The following FGF14 variants were observed in gnomAD, a reference collection of about 807,000 sequenced individuals.
The protein encoded by FGF14 is fibroblast growth factor homologous factor 4.
Under a neutral mutation model 25.5 loss-of-function variants are expected in FGF14, and 5 were observed. That is an observed-to-expected ratio of 0.20 (90% CI 0.10 to 0.41). FGF14 has a LOEUF of 0.41. Among genes scored for constraint, FGF14 ranks in the 10% least tolerant of loss-of-function variants. FGF14 has a pLI of 1.00. For missense variants in FGF14, 222 were observed against 320.1 expected (o/e 0.69, Z 2.34); for synonymous variants, 138 against 118.3 (o/e 1.17, Z -1.08).
intron 1 of FGF14, among the ~76,000 whole-genome samples, chr13:102,019,949 T>C (rs79842981): frequency 8.7e-4 from 132 of 152,286 alleles, no homozygotes; most frequent in African/African-American, 3.2e-3. Flanking sequence ...AAAAGTAATT[T>C]TATTTTTGTC....
intron 3 of FGF14, among the ~76,000 whole-genome samples, chr13:101,817,935 G>A (rs1260577605): frequency 1.3e-5 from 2 of 152,202 alleles, no homozygotes; most frequent in Non-Finnish European, 2.9e-5. Context: ...ACGTACGATT[G>A]TGTACAACAG....
intron 3 of FGF14, among the ~76,000 whole-genome samples, chr13:101,809,716 A>C (rs1244972230): frequency 6.6e-6 from 1 of 152,134 alleles, no homozygotes; most frequent in African/African-American, 2.4e-5. Flanking sequence ...AGGACTCCTA[A>C]ATTTTGCAGT....
intron 3 of FGF14, among the ~76,000 whole-genome samples, chr13:101,767,416 G>A (rs2038479270): frequency 6.6e-6 from 1 of 152,028 alleles, no homozygotes; most frequent in African/African-American, 2.4e-5. Context: ...GAAAGCTACC[G>A]ATATAGAGCA....
intron 1 of FGF14, among the ~76,000 whole-genome samples, chr13:102,051,496 C>A (rs1332045915): frequency 3.9e-5 from 6 of 152,148 alleles, no homozygotes; most frequent in African/African-American, 1.4e-4. Context: ...AGACCCAGTG[C>A]CCCAAAGGAC....
At chr13:101,785,793 G>A (rs2039788552) in intron 3 of FGF14, among the ~76,000 whole-genome samples, 1 of 152,116 alleles carries the variant, frequency 6.6e-6, no homozygotes. Flanking sequence ...CAAGTGTAAG[G>A]TGTATTGAAG....
intron 1 of FGF14, among the ~76,000 whole-genome samples, chr13:102,369,194 G>A (rs1052833407): frequency 5.9e-5 from 9 of 152,160 alleles, no homozygotes; most frequent in African/African-American, 1.9e-4. Context: ...CCACATGGAA[G>A]CTCCTGACAC....
Position 101,713,236 on chromosome 13 carries a change from A to G in FGF14, c.*9595T>C, listed in dbSNP as rs973058149. On this transcript the variant is annotated 3_prime_UTR_variant, in exon 5 of 5. Transcript: ENST00000376143. ...ACACATGAACCTGAATCCTTTCATG[A>G]TATCTGTGATGACCACAACTCCTTT... The G allele has an allele frequency of 1.3e-5, 2 of 152,204 alleles. No homozygotes were observed. The highest frequency in any genetic ancestry group is 4.8e-5 in the African/African-American group (2 of 41,458). The allele number at this position is 152,204 out of a possible 1,614,324, so 9.4% of individuals were successfully genotyped here.
intron 1 of FGF14, among the ~76,000 whole-genome samples, chr13:102,102,269 C>G (rs181077495): frequency 6.6e-6 from 1 of 152,064 alleles, no homozygotes; most frequent in African/African-American, 2.4e-5. Flanking sequence ...AGTTTCTTGT[C>G]GAAAGTCACC....
In FGF14 at chr13:101,788,909, TAGAGAGAGAGAGAG is replaced by T. The variant is rs781347440; in HGVS notation, c.409-62113_409-62100del. On this transcript the variant is annotated intron_variant, in intron 3 of 4. Coordinates refer to ENST00000376143, the MANE Select transcript of FGF14 (RefSeq NM_004115.4). Reference sequence around the variant, plus strand: ...ATATATATATATATATATATATATATAGAGAGAGAGAGAGAGAGAGAGAGAGAGAGAGAGAGAGA... The same window carrying T: ...ATATATATATATATATATATATATATAGAGAGAGAGAGAGAGAGAGAGAGA... Among the ~76,000 whole-genome samples the T allele has an allele frequency of 8.3e-4, 26 of 31,216 alleles. No homozygotes were observed. In the East Asian group the frequency reaches 0.013, roughly 15 times the overall value. The allele number at this position is 31,216 out of a possible 152,430, so 20.5% of individuals were successfully genotyped here. A position where few individuals can be genotyped will look rare whatever the true frequency, so the allele number is the denominator to read the frequency against.
chr13:102,032,286 C>G (rs2041249860), intron 1 of FGF14, among the ~76,000 whole-genome samples: 1 of 152,132 alleles, frequency 6.6e-6, no homozygotes, highest in African/African-American at 2.4e-5. Flanking sequence ...CCTTCTCCCA[C>G]TCTGCAAGGA....
At chr13:102,237,678 T>C (rs2141016197) in intron 1 of FGF14, among the ~76,000 whole-genome samples, 1 of 152,160 alleles carries the variant, frequency 6.6e-6, no homozygotes, top group South Asian at 2.1e-4. Context: ...AGCCATAAAT[T>C]AAATACATTT....
At chr13:101,951,099 T>C (rs1018437051) in intron 1 of FGF14, among the ~76,000 whole-genome samples, 3 of 152,174 alleles carry the variant, frequency 2.0e-5, no homozygotes, top group Admixed American at 1.3e-4. Context: ...GTGAAATTTA[T>C]ACTACAAAAG....
At chr13:102,364,427 A>G (rs2139057646) in intron 1 of FGF14, among the ~76,000 whole-genome samples, 1 of 152,344 alleles carries the variant, frequency 6.6e-6, no homozygotes, top group African/African-American at 2.4e-5. Flanking sequence ...TAACTCCAAC[A>G]GTAGTGGGGT....
intron 1 of FGF14, among the ~76,000 whole-genome samples, chr13:102,136,661 G>GTAA (rs2046423885): frequency 7.0e-6 from 1 of 142,860 alleles, no homozygotes. Flanking sequence ...AATTCTATGG[G>GTAA]AAAAAAAAAA....
At chr13:101,894,911 T>A (rs899315705) in intron 1 of FGF14, among the ~76,000 whole-genome samples, 1 of 152,044 alleles carries the variant, frequency 6.6e-6, no homozygotes, top group Non-Finnish European at 1.5e-5. Context: ...AGAAAAAAAA[T>A]ATTAATTCTA....
At chr13:101,789,816 G>C (rs1356560202) in intron 3 of FGF14, among the ~76,000 whole-genome samples, 1 of 133,014 alleles carries the variant, frequency 7.5e-6, no homozygotes, top group African/African-American at 2.7e-5. Flanking sequence ...TATTAATAAG[G>C]ACTTTTTATT....
chr13:102,070,364 C>A (rs1440872020), intron 1 of FGF14, among the ~76,000 whole-genome samples: 3 of 152,022 alleles, frequency 2.0e-5, no homozygotes, highest in Non-Finnish European at 4.4e-5. Context: ...GACTAATATC[C>A]AAAAGACAGA....
At chr13:102,170,617 T>G (rs2048208412) in intron 1 of FGF14, among the ~76,000 whole-genome samples, 1 of 152,112 alleles carries the variant, frequency 6.6e-6, no homozygotes, top group Non-Finnish European at 1.5e-5. Context: ...TTTGTGCTCA[T>G]AAAACTATAG....
intron 1 of FGF14, among the ~76,000 whole-genome samples, chr13:102,325,290 C>G (rs1226278196): frequency 2.6e-5 from 4 of 151,648 alleles, no homozygotes; most frequent in Non-Finnish European, 5.9e-5. Flanking sequence ...CCTGTTAGAT[C>G]AAGGTTATGA....
Sources: allele counts gnomAD v4.1 joint callset (sites outside exome capture counted in the v4.1 genomes callset), GRCh38; gene constraint gnomAD v4.1.1; transcripts MANE v1.5; gene names NCBI Gene and HGNC (gene_info 2026-07-23, HGNC 2026-07-21).